TESK2: variants seen among roughly 807,000 people sequenced by gnomAD.
TESK2 encodes testis associated actin remodelling kinase 2.
TESK2 carries 39 observed loss-of-function variants against 57.1 expected under a neutral mutation model. The observed-to-expected ratio is 0.68, with a 90% CI of 0.53 to 0.89. The LOEUF (loss-of-function observed/expected upper bound fraction) is 0.89, where lower values mean the gene tolerates loss of function less well. Among genes scored for constraint, TESK2 ranks in the 40% least tolerant of loss-of-function variants. TESK2 has a pLI of 0.00. For missense variants in TESK2, 646 were observed against 732.1 expected (o/e 0.88, Z 1.36); for synonymous variants, 249 against 267.9 (o/e 0.93, Z 0.69).
Position 45,386,441 on chromosome 1 carries a change from G to C in TESK2, c.345-481C>G, listed in dbSNP as rs543008316. 1.2e-3 allele frequency among the ~76,000 whole-genome samples: 172 copies of C among 149,176 alleles called. 2 individuals carry two copies. The highest frequency in any genetic ancestry group is 4.2e-3 in the African/African-American group (166 of 39,536). ...AGGGAAAGGGAAAGGCAAAGAGAAA[G>C]GGAAAGGGAAAGGAAAGGAAGAAAG... On this transcript the variant is annotated intron_variant, in intron 3 of 10. Coordinates refer to ENST00000372086, the MANE Select transcript of TESK2 (RefSeq NM_007170.3).
At chr1:45,433,354 C>T (rs1166416008) in intron 2 of TESK2, among the ~76,000 whole-genome samples, 1 of 152,132 alleles carries the variant, frequency 6.6e-6, no homozygotes, top group South Asian at 2.1e-4. Context: ...GCTGAGATTA[C>T]AGGCATGAGA....
At chr1:45,400,045 C>G (rs934824094) in intron 3 of TESK2, among the ~76,000 whole-genome samples, 2 of 152,018 alleles carry the variant, frequency 1.3e-5, no homozygotes, top group African/African-American at 4.8e-5. Flanking sequence ...GTGACTGTGT[C>G]GCATTATATG....
chr1:45,441,418 C>T (rs1259191561), intron 2 of TESK2, among the ~76,000 whole-genome samples: 2 of 152,070 alleles, frequency 1.3e-5, no homozygotes, highest in Non-Finnish European at 2.9e-5. Flanking sequence ...CTCAGGTGAT[C>T]CGCCTGCCTC....
intron 5 of TESK2, among the ~76,000 whole-genome samples, chr1:45,353,650 A>T (rs1332284023): frequency 2.0e-5 from 3 of 152,246 alleles, no homozygotes; most frequent in Non-Finnish European, 4.4e-5. Flanking sequence ...ATTCTTAGGC[A>T]GGTACAAAAC....
At chr1:45,468,387 G>A (rs954958973) in intron 1 of TESK2, among the ~76,000 whole-genome samples, 2 of 152,068 alleles carry the variant, frequency 1.3e-5, no homozygotes, top group Non-Finnish European at 1.5e-5. Flanking sequence ...CTCCCTTGGC[G>A]AGCAAACTAA....
chr1:45,459,712 A>T (rs1233421322), intron 1 of TESK2, among the ~76,000 whole-genome samples: 1 of 152,166 alleles, frequency 6.6e-6, no homozygotes, highest in African/African-American at 2.4e-5. Flanking sequence ...GCATGATGGT[A>T]CACGCCTGTA....
At chr1:45,408,695 T>C (rs1239044325) in intron 3 of TESK2, among the ~76,000 whole-genome samples, 9 of 152,222 alleles carry the variant, frequency 5.9e-5, no homozygotes, top group Non-Finnish European at 1.3e-4. Flanking sequence ...AATCCATCAA[T>C]TTCCTGGCAA....
At chr1:45,443,484 C>T (rs1047945404) in intron 2 of TESK2, among the ~76,000 whole-genome samples, 29 of 142,050 alleles carry the variant, frequency 2.0e-4, no homozygotes, top group African/African-American at 7.3e-4. Flanking sequence ...GCAGGATAAT[C>T]GCTTGAACCC....
At chr1:45,476,644 A>G (rs972740353) in intron 1 of TESK2, among the ~76,000 whole-genome samples, 4 of 151,814 alleles carry the variant, frequency 2.6e-5, no homozygotes, top group Non-Finnish European at 4.4e-5. Context: ...TCAGGAGATC[A>G]AGGCCATCCT....
At chr1:45,375,982 G>A (rs2149271520) in intron 4 of TESK2, among the ~76,000 whole-genome samples, 1 of 152,166 alleles carries the variant, frequency 6.6e-6, no homozygotes, top group South Asian at 2.1e-4. Flanking sequence ...TCAAATTCTT[G>A]TTTCTCAAAT....
rs200947198 is a variant in TESK2, at chr1:45,457,724, T to G, written c.62A>C (p.Glu21Ala). The change falls in exon 2 of 11, where the codon GAG becomes GCG. Residue 21 changes from glutamate (E) to alanine (A), a missense_variant. Coordinates refer to ENST00000372086, the MANE Select transcript of TESK2 (RefSeq NM_007170.3). Reference sequence around the variant, plus strand: ...TTCTCCTCCACCACCTCCTTCAAACTCTTCAAGACGCTCCACACGTGGAGG... The same window carrying G: ...TTCTCCTCCACCACCTCCTTCAAACGCTTCAAGACGCTCCACACGTGGAGG... Reference protein sequence around the residue: ...GFPPRVERLEEFEGGGGGEGN... With the variant: ...GFPPRVERLEAFEGGGGGEGN... 13 of 1,614,038 alleles carry G rather than the reference T, an allele frequency of 8.1e-6. No individual in the cohort carries two copies. The highest frequency in any genetic ancestry group is 6.7e-5 in the African/African-American group (5 of 74,928).
At chr1:45,399,086 T>A in intron 3 of TESK2, 3 of 356,274 alleles carry the variant, frequency 8.4e-6, no homozygotes, top group Non-Finnish European at 5.4e-6. Flanking sequence ...ACTTAAAACA[T>A]TGCCTTGTTC....
rs1647121698 is a variant in TESK2 at position 45,345,175 on chromosome 1, G to T, written c.1381C>A (p.Pro461Thr). The T allele has an allele frequency of 1.2e-6, 2 of 1,614,064 alleles. No individual in the cohort carries two copies. The highest frequency in any genetic ancestry group is 2.2e-5 in the South Asian group (2 of 91,084). The change falls in exon 11 of 11, where the codon CCT becomes ACT. Residue 461 changes from proline (P) to threonine (T), a missense_variant. Coordinates refer to ENST00000372086, the MANE Select transcript of TESK2 (RefSeq NM_007170.3). Reference sequence around the variant, plus strand: ...CAAGCCTCTTGATGCAAGAACTCAGGCGAACCAGGCAAGGAACGCCACCGG... The same window carrying T: ...CAAGCCTCTTGATGCAAGAACTCAGTCGAACCAGGCAAGGAACGCCACCGG... Reference protein sequence around the residue: ...IRRWRSLPGSPEFLHQEACPF... With the variant: ...IRRWRSLPGSTEFLHQEACPF...
intron 2 of TESK2, among the ~76,000 whole-genome samples, chr1:45,431,315 G>A (rs924614429): frequency 3.9e-5 from 6 of 152,160 alleles, no homozygotes; most frequent in African/African-American, 1.4e-4. Context: ...CTACTCAGGA[G>A]GCTGAGGCAG....
At chr1:45,463,117 A>G (rs988061646) in intron 1 of TESK2, among the ~76,000 whole-genome samples, 15 of 152,114 alleles carry the variant, frequency 9.9e-5, no homozygotes, top group Non-Finnish European at 2.1e-4. Context: ...TGAACTCCTT[A>G]TATTTTCTGG....
chr1:45,470,087 CTAGATA>C (rs1262791899), intron 1 of TESK2, among the ~76,000 whole-genome samples: 9 of 152,240 alleles, frequency 5.9e-5, no homozygotes, highest in South Asian at 2.1e-4. Context: ...CTTTCACACC[CTAGATA>C]TAAAGAGTAG....
intron 1 of TESK2, among the ~76,000 whole-genome samples, chr1:45,483,335 C>T (rs1359262903): frequency 6.6e-6 from 1 of 151,816 alleles, no homozygotes; most frequent in Admixed American, 6.6e-5. Flanking sequence ...GTGGCTCACA[C>T]CTGTAATCCC....
chr1:45,429,803 C>T (rs1650875600), intron 2 of TESK2, among the ~76,000 whole-genome samples: 1 of 152,186 alleles, frequency 6.6e-6, no homozygotes, highest in African/African-American at 2.4e-5. Flanking sequence ...TTAACTCTTA[C>T]ACAAAAGAAG....
At chr1:45,467,387 C>G (rs1366007275) in intron 1 of TESK2, among the ~76,000 whole-genome samples, 1 of 152,012 alleles carries the variant, frequency 6.6e-6, no homozygotes, top group Non-Finnish European at 1.5e-5. Flanking sequence ...CTCTGTCACC[C>G]AGACTGGAGT....
Sources: allele counts gnomAD v4.1 joint callset (sites outside exome capture counted in the v4.1 genomes callset), GRCh38; gene constraint gnomAD v4.1.1; transcripts MANE v1.5; gene names NCBI Gene and HGNC (gene_info 2026-07-23, HGNC 2026-07-21).